The following NDUFAF6 variants were observed in gnomAD, a reference collection of about 807,000 sequenced individuals.
NDUFAF6 encodes NADH dehydrogenase (ubiquinone) complex I, assembly factor 6.
NDUFAF6 carries 45 observed loss-of-function variants against 40.8 expected under a neutral mutation model. The ratio of observed to expected loss-of-function variants is 1.10; its 90% CI spans 0.87 to 1.42. The LOEUF is 1.42. Ranked by LOEUF, NDUFAF6 falls within the 40% of genes most tolerant of loss-of-function variation. The pLI, the probability that NDUFAF6 is intolerant of heterozygous loss-of-function variation, is 0.00. For missense variants in NDUFAF6, 435 were observed against 418.5 expected (o/e 1.04, Z -0.34); for synonymous variants, 185 against 155.9 (o/e 1.19, Z -1.39).
At chr8:94,996,398 T>A (rs986721351) in intron 2 of NDUFAF6, among the ~76,000 whole-genome samples, 2 of 152,238 alleles carry the variant, frequency 1.3e-5, no homozygotes, top group African/African-American at 4.8e-5. Flanking sequence ...CTCTTATTGC[T>A]GTTGGGTTGT....
chr8:95,057,745 GTT>G (rs33972988), intron 8 of NDUFAF6, 62 bp from the exon 9 acceptor site: 423 of 986,382 alleles, frequency 4.3e-4, no homozygotes, highest in Middle Eastern at 5.5e-4. Context: ...TCTTTAGTTA[GTT>G]TTTTTTTTTT....
At position 95,070,622 on chromosome 8, in the gene NDUFAF6, TAAAAC is replaced by T. The variant is rs1032115754; in HGVS notation, c.*512-5001_*512-4997del. ...GATTATGAAATTAAAAAGATATACA[TAAAAC>T]AAAACAAAAATCACATAAAAATCCA... is the stretch of plus-strand genomic sequence containing the variant. On this transcript the variant is annotated intron_variant and NMD_transcript_variant, in intron 9 of 9. Coordinates refer to the NDUFAF6 transcript ENST00000520757. 7.2e-5 allele frequency among the ~76,000 whole-genome samples: 11 copies of T among 152,246 alleles called. 1 individual carries two copies. In the South Asian group the frequency reaches 1.5e-3, roughly 20 times the overall value.
chr8:95,068,161 A>C (rs13279040), intron 9 of NDUFAF6: 19,498 of 151,696 alleles, frequency 0.13, 1,576 homozygotes, highest in Middle Eastern at 0.24. Context: ...GGTACAGGAA[A>C]CTCATCACCA....
At chr8:94,909,373 A>AAAAAAAAAAC (rs1246788355) in intron 1 of NDUFAF6, among the ~76,000 whole-genome samples, 2 of 78,686 alleles carry the variant, frequency 2.5e-5, no homozygotes, top group African/African-American at 7.8e-5. Context: ...AAAAAAAAAA[A>AAAAAAAAAAC]AAAAAAAAAC....
At chr8:94,935,919 A>G (rs181946072) in intron 1 of NDUFAF6, among the ~76,000 whole-genome samples, 5 of 152,224 alleles carry the variant, frequency 3.3e-5, no homozygotes, top group Non-Finnish European at 7.3e-5. Context: ...TCTGCCCTTC[A>G]TGACAATATT....
intron 2 of NDUFAF6, among the ~76,000 whole-genome samples, chr8:95,088,704 T>A (rs1809136482): frequency 1.0e-5 from 1 of 100,408 alleles, no homozygotes; most frequent in Non-Finnish European, 1.8e-5. Context: ...TGTGTGTGTG[T>A]GTGTGTGTGT....
At chr8:95,016,482 C>A (rs898581148) in intron 2 of NDUFAF6, among the ~76,000 whole-genome samples, 3 of 152,170 alleles carry the variant, frequency 2.0e-5, no homozygotes, top group Non-Finnish European at 4.4e-5. Flanking sequence ...TGGTGGCTCA[C>A]GCCTGTAATC....
downstream of NDUFAF6, among the ~76,000 whole-genome samples, chr8:95,080,752 C>T (rs568533450): frequency 9.2e-5 from 14 of 152,160 alleles, no homozygotes; most frequent in East Asian, 1.2e-3. Flanking sequence ...AAGCAATCCT[C>T]CCACTTTGGC....
intron 1 of NDUFAF6, chr8:94,939,882 A>G: frequency 6.2e-7 from 1 of 1,613,530 alleles, no homozygotes. Context: ...GGGCTATGTA[A>G]TTCATCAGTC....
At chr8:94,953,546 T>C (rs2131437416), upstream of NDUFAF6, among the ~76,000 whole-genome samples, 1 of 152,342 alleles carries the variant, frequency 6.6e-6, no homozygotes, top group East Asian at 1.9e-4. Flanking sequence ...TTGAAGTGTG[T>C]GAGCAAAGGG....
intron 5 of NDUFAF6, among the ~76,000 whole-genome samples, chr8:95,046,040 T>C (rs1222805127): frequency 1.3e-5 from 2 of 151,358 alleles, no homozygotes; most frequent in Non-Finnish European, 3.0e-5. Flanking sequence ...ACATTTATTT[T>C]ATTTTATTTT....
Position 95,046,123 on chromosome 8 carries a change from C to T in NDUFAF6, c.580+476C>T, listed in dbSNP as rs556501242. 2.0e-5 allele frequency among the ~76,000 whole-genome samples: 3 copies of T among 151,920 alleles called. No individual in the cohort carries two copies. The South Asian group carries it at 6.2e-4, about 32-fold the overall frequency. ...GTCCCCAGGCTGGAGTGCAGTGGCTCAATCTCGGCTCACTGCAACCTCTGC... is the reference window on the plus strand; with the variant it reads ...GTCCCCAGGCTGGAGTGCAGTGGCTTAATCTCGGCTCACTGCAACCTCTGC... On this transcript the variant is annotated intron_variant, in intron 5 of 8. Transcript: ENST00000396124.
At chr8:95,109,587 T>TAGAG (rs71695882) in intron 4 of NDUFAF6, among the ~76,000 whole-genome samples, 82 of 142,326 alleles carry the variant, frequency 5.8e-4, no homozygotes, top group Non-Finnish European at 3.6e-4. Flanking sequence ...GATAGATAGA[T>TAGAG]AGAGAGAGAG....
chr8:95,089,580 T>G (rs1397710679), intron 2 of NDUFAF6, among the ~76,000 whole-genome samples: 1 of 152,158 alleles, frequency 6.6e-6, no homozygotes, highest in East Asian at 1.9e-4. Context: ...GAAGCAGTAA[T>G]TCTCCAGGAA....
At chr8:95,069,712 A>G (rs2002243) in intron 9 of NDUFAF6, among the ~76,000 whole-genome samples, 129,422 of 148,126 alleles carry the variant, frequency 0.87, 57,084 homozygotes, top group East Asian at 1. Flanking sequence ...CCCGGGAGGC[A>G]GAGATTGCAG....
intron 2 of NDUFAF6, among the ~76,000 whole-genome samples, chr8:95,102,459 C>T (rs1443281594): frequency 1.3e-5 from 2 of 152,102 alleles, no homozygotes; most frequent in Non-Finnish European, 2.9e-5. Flanking sequence ...TACTGCTGGC[C>T]CCCCACTCCT....
At chr8:94,904,310 ATTTTTTTTGCTTTTTT>A (rs1818233157) in intron 1 of NDUFAF6, among the ~76,000 whole-genome samples, 1 of 49,024 alleles carries the variant, frequency 2.0e-5, no homozygotes, top group African/African-American at 9.9e-5. Flanking sequence ...CACCTGGCTA[ATTTTTTTTGCTTTTTT>A]TTTTTTTTTT....
Position 95,058,598 on chromosome 8 carries a change from C to G in NDUFAF6, c.*661C>G. ...TACTTTTTTGTTAATCCCACTTCCT[C>G]ACTCTGTCATTCAGCATTATCATGA... On this transcript the variant is annotated 3_prime_UTR_variant, in exon 9 of 9. Coordinates refer to ENST00000396124, the MANE Select transcript of NDUFAF6 (RefSeq NM_152416.4). 9.3e-6 allele frequency: 11 copies of G among 1,177,504 alleles called. No homozygotes were observed. Among genetic ancestry groups the G allele is most frequent in the Non-Finnish European group, 1.2e-5 (11 of 954,614 alleles). 72.9% of individuals were successfully genotyped at this position (1,177,504 alleles called of 1,614,324 possible). A position where few individuals can be genotyped will look rare whatever the true frequency, so the allele number is the denominator to read the frequency against.
At chr8:95,115,421 T>G (rs1810111797) in intron 4 of NDUFAF6, 1 of 152,198 alleles carries the variant, frequency 6.6e-6, no homozygotes, top group African/African-American at 2.4e-5. Context: ...CTTGGAGACT[T>G]CTCTAGCTGT....
Sources: allele counts gnomAD v4.1 joint callset (sites outside exome capture counted in the v4.1 genomes callset), GRCh38; gene constraint gnomAD v4.1.1; transcripts MANE v1.5; gene names NCBI Gene and HGNC (gene_info 2026-07-23, HGNC 2026-07-21).